Variants in USP36 observed in about 807,000 individuals in gnomAD.
USP36 encodes the protein ubiquitin carboxyl-terminal hydrolase 36.
Under a neutral mutation model 111.5 loss-of-function variants are expected in USP36, and 59 were observed. That is an observed-to-expected ratio of 0.53 (90% CI 0.43 to 0.66). USP36 has a LOEUF of 0.66. USP36 is among the 30% of genes least tolerant of loss of function. The pLI is 0.00. For synonymous variants in USP36, 628 were observed against 581.0 expected (o/e 1.08, Z -1.16); for missense variants, 1,488 against 1,468.0 (o/e 1.01, Z -0.22).
chr17:78,833,503 A>T (rs2068349943), intron 4 of USP36, among the ~76,000 whole-genome samples: 1 of 151,926 alleles, frequency 6.6e-6, no homozygotes, highest in Non-Finnish European at 1.5e-5. Context: ...CAGGCACTTG[A>T]CTCACTCAGA....
chr17:78,839,339 T>C (rs1349724743), intron 1 of USP36, among the ~76,000 whole-genome samples: 2 of 152,168 alleles, frequency 1.3e-5, no homozygotes, highest in East Asian at 3.8e-4. Flanking sequence ...CATCCCCAGG[T>C]AATTCTACAG....
In USP36 at chr17:78,820,022, A is replaced by G; in HGVS notation, c.829-10T>C. On this transcript the variant is annotated splice_polypyrimidine_tract_variant and intron_variant, in intron 8 of 20. Transcript: ENST00000449938. ...CAATATTCGCAGCTTGCTGAGGAGG[A>G]CAAAAACAGGGAGTAAAATACACAG... The G allele has an allele frequency of 6.2e-7, 1 of 1,613,926 alleles. No individual in the cohort carries two copies. Among genetic ancestry groups the G allele is most frequent in the Non-Finnish European group, 8.5e-7 (1 of 1,179,874 alleles).
chr17:78,787,991 A>G (rs1598942829), intron 3 of USP36, among the ~76,000 whole-genome samples: 1 of 152,270 alleles, frequency 6.6e-6, no homozygotes, highest in South Asian at 2.1e-4. Flanking sequence ...ATTCTCCCCC[A>G]CAGCCCTGAG....
Position 78,798,655 on chromosome 17 carries a change from G to A in USP36, c.3241-104C>T. ...TCCTGCACACAGGCCGGGCTCTCAT[G>A]AGCTCTCTGGAGACCCACTCTTCAC... is the stretch of plus-strand genomic sequence containing the variant. On this transcript the variant is annotated intron_variant, in intron 19 of 20. Coordinates refer to ENST00000449938, the MANE Select transcript of USP36 (RefSeq NM_001385174.1). This position sits in a 1 kb window ranked among gnomAD's most constrained non-coding sequence, Gnocchi z 5.1. 6.5e-7 allele frequency: 1 copy of A among 1,529,296 alleles called. No individual in the cohort carries two copies. Among genetic ancestry groups the A allele is most frequent in the South Asian group, 1.2e-5 (1 of 84,652 alleles). The allele number at this position is 1,529,296 out of a possible 1,614,324, so 94.7% of individuals were successfully genotyped here.
intron 10 of USP36, among the ~76,000 whole-genome samples, chr17:78,816,645 C>A (rs968486930): frequency 4.6e-5 from 7 of 151,358 alleles, no homozygotes; most frequent in South Asian, 4.2e-4. Flanking sequence ...AACAAAAAAA[C>A]CAAAATTTTT....
rs865999507 is a variant in USP36, at chr17:78,798,507, G to T, written c.3285C>A (p.Phe1095Leu). 2.5e-6 allele frequency: 4 copies of T among 1,614,140 alleles called. No homozygotes were observed. In the East Asian group the frequency reaches 6.7e-5, roughly 27 times the overall value. ...KKFKREKRRN[F>L]NAFQKLQTRR... ...GAGTCTGAAGTTTCTGGAAGGCGTT[G>T]AAGTTTCTCCTCTTCTCTCTCTTAA... The change falls in exon 20 of 21, where the codon TTC becomes TTA. Residue 1095 changes from phenylalanine (F) to leucine (L), a missense_variant. This residue lies in a region of USP36 where 1,073 missense variants were observed against 994.1 expected (regional missense o/e 1.08). Transcript: ENST00000449938. The surrounding 1 kb of genome is among the most constrained non-coding windows in gnomAD (Gnocchi z 5.1).
At chr17:78,792,430 C>T (rs2093591104), downstream of USP36, among the ~76,000 whole-genome samples, 1 of 152,070 alleles carries the variant, frequency 6.6e-6, no homozygotes, top group South Asian at 2.1e-4. Flanking sequence ...GGGGAACAGC[C>T]CCTATACTAC....
At chr17:78,812,711 A>AG in intron 13 of USP36, 149 bp downstream of exon 13, 1 of 861,148 alleles carries the variant, frequency 1.2e-6, no homozygotes. Context: ...AAAAAAAAAA[A>AG]AAAAAAAGAA....
chr17:78,813,877 A>C lies in USP36; in HGVS notation c.1165-4T>G. ...GGTACCACTGTCCATTGCTTGCCTG[A>C]AGCAGCCAAGGATGTTGCAGAAAAC... is the stretch of plus-strand genomic sequence containing the variant. On this transcript the variant is annotated splice_polypyrimidine_tract_variant and splice_region_variant and intron_variant, in intron 11 of 20. Coordinates refer to ENST00000449938, the MANE Select transcript of USP36 (RefSeq NM_001385174.1). The C allele has an allele frequency of 6.2e-7, 1 of 1,613,676 alleles. No individual in the cohort carries two copies. The highest frequency in any genetic ancestry group is 8.5e-7 in the Non-Finnish European group (1 of 1,179,742).
chr17:78,789,197 C>CCA (rs1491126850), intron 3 of USP36, among the ~76,000 whole-genome samples: 1 of 65,904 alleles, frequency 1.5e-5, no homozygotes, highest in African/African-American at 5.7e-5. Context: ...AACTTGGTCC[C>CCA]AAAAAAAAAA....
intron 9 of USP36, among the ~76,000 whole-genome samples, chr17:78,819,254 C>A (rs1270400405): frequency 1.3e-5 from 2 of 152,136 alleles, no homozygotes; most frequent in Non-Finnish European, 2.9e-5. Flanking sequence ...AGAATATATT[C>A]TTTAGTGCCT....
At chr17:78,794,198 G>A (rs1000144261), downstream of USP36, among the ~76,000 whole-genome samples, 3 of 152,154 alleles carry the variant, frequency 2.0e-5, no homozygotes, top group African/African-American at 7.2e-5. Context: ...CCAACCTGGC[G>A]GCTGGTCATG....
intron 10 of USP36, among the ~76,000 whole-genome samples, chr17:78,817,764 A>G (rs866082551): frequency 1.3e-4 from 20 of 152,092 alleles, no homozygotes; most frequent in Middle Eastern, 3.4e-3. Flanking sequence ...GAAAAAAGAA[A>G]AAAGAAACAC....
chr17:78,812,486 G>T (rs1269849355), intron 13 of USP36, among the ~76,000 whole-genome samples: 1 of 151,796 alleles, frequency 6.6e-6, no homozygotes, highest in South Asian at 2.1e-4. Flanking sequence ...TCAGGAGATC[G>T]AAAGCATCCT....
chr17:78,813,579 T>A (rs1168113150), intron 12 of USP36, among the ~76,000 whole-genome samples, 194 bp downstream of exon 12: 1 of 152,170 alleles, frequency 6.6e-6, no homozygotes, highest in Non-Finnish European at 1.5e-5. Context: ...GCAGATGGGA[T>A]CCTGTCCTGA....
intron 3 of USP36, among the ~76,000 whole-genome samples, chr17:78,787,898 C>T (rs2093548949): frequency 6.6e-6 from 1 of 152,162 alleles, no homozygotes; most frequent in Admixed American, 6.5e-5. Context: ...GATTTGGACA[C>T]AGAACGGAAA....
chr17:78,805,160 C>T (rs1180116299), intron 15 of USP36, among the ~76,000 whole-genome samples: 1 of 152,168 alleles, frequency 6.6e-6, no homozygotes, highest in Non-Finnish European at 1.5e-5. Context: ...CCACAAAGCC[C>T]ACCTCCCAGG....
At chr17:78,805,744 C>G (rs919323761) in intron 15 of USP36, among the ~76,000 whole-genome samples, 3 of 152,202 alleles carry the variant, frequency 2.0e-5, no homozygotes, top group African/African-American at 7.2e-5. Flanking sequence ...GGCAAGACGT[C>G]CCACAAAAAA....
chr17:78,812,338 A>G (rs1270547025), intron 13 of USP36, among the ~76,000 whole-genome samples: 1 of 152,124 alleles, frequency 6.6e-6, no homozygotes, highest in Non-Finnish European at 1.5e-5. Context: ...TTGGGTCAGA[A>G]TTTTCTCATT....
Sources: allele counts gnomAD v4.1 joint callset (sites outside exome capture counted in the v4.1 genomes callset), GRCh38; gene constraint gnomAD v4.1.1; regional missense constraint gnomAD v4.1.1; non-coding constraint Gnocchi (gnomAD v3.1); transcripts MANE v1.5; gene names NCBI Gene and HGNC (gene_info 2026-07-23, HGNC 2026-07-21).